The following TRPC4 variants were observed in gnomAD, a reference collection of about 807,000 sequenced individuals.
TRPC4 encodes the protein short transient receptor potential channel 4.
Under a neutral mutation model 99.4 loss-of-function variants are expected in TRPC4, and 49 were observed. That is an observed-to-expected ratio of 0.49 (90% CI 0.39 to 0.63). The LOEUF is 0.63. Ranked by LOEUF, TRPC4 falls within the 20% of genes least tolerant of loss-of-function variation. The probability of loss-of-function intolerance (pLI) is 0.00; values close to 1 mark genes in which losing one functional copy is unlikely to be tolerated. For missense variants in TRPC4, 898 were observed against 1,152.9 expected (o/e 0.78, Z 3.20); for synonymous variants, 454 against 425.9 (o/e 1.07, Z -0.81).
rs984888475 is a variant in TRPC4, at chr13:37,634,262, C to T, written c.*2641G>A. 1.3e-5 allele frequency among the ~76,000 whole-genome samples: 2 copies of T among 152,014 alleles called. No homozygotes were observed. The highest frequency in any genetic ancestry group is 4.8e-5 in the African/African-American group (2 of 41,414). On this transcript the variant is annotated 3_prime_UTR_variant, in exon 11 of 11. Transcript: ENST00000379705. ...AAACAGTATTTCTTTGCTTGCTATC[C>T]TGCTGTTGTTTGACTTTTCTTATTT...
chr13:37,668,337 T>A lies in TRPC4; in HGVS notation c.1375-4608A>T, dbSNP rs185446008. Among the ~76,000 whole-genome samples, 66 of 152,322 alleles carry A rather than the reference T, an allele frequency of 4.3e-4. No individual in the cohort carries two copies. In the East Asian group the frequency reaches 0.012, roughly 28 times the overall value. ...AGGTACTTTTGGATTACTTGTCAGA[T>A]TCTTATGCAGGGAGCTTTGTCTAAG... On this transcript the variant is annotated intron_variant, in intron 5 of 10. Transcript: ENST00000379705.
Position 37,772,711 on chromosome 13 carries a change from A to G in TRPC4, c.378+10245T>C, listed in dbSNP as rs189056521. ...TATCACGTCATATTTTATAATTTAT[A>G]TCAAAAAAGGGTTCACGTTATCTGC... On this transcript the variant is annotated intron_variant, in intron 2 of 10. Transcript: ENST00000379705. 1.5e-3 allele frequency among the ~76,000 whole-genome samples: 232 copies of G among 151,850 alleles called. 4 individuals carry two copies. Among genetic ancestry groups the G allele is most frequent in the African/African-American group, 5.2e-3 (217 of 41,480 alleles).
chr13:37,695,265 T>C (rs115847084), intron 3 of TRPC4, among the ~76,000 whole-genome samples: 4,191 of 152,056 alleles, frequency 0.028, 183 homozygotes, highest in African/African-American at 0.096. Flanking sequence ...CACTGTTTAC[T>C]TAGATTACTT....
chr13:37,654,539 T>A lies in TRPC4; in HGVS notation c.1884+549A>T, dbSNP rs74590982. On this transcript the variant is annotated intron_variant, in intron 7 of 10. Coordinates refer to ENST00000379705, the MANE Select transcript of TRPC4 (RefSeq NM_016179.4). The stretch of plus-strand genomic sequence containing the variant: ...GAATAAATAAATAACTTGTGCTACG[T>A]TGTTTAGATTCCAGAGTTTCAAAAA... Among the ~76,000 whole-genome samples the A allele has an allele frequency of 8.6e-3, 1,315 of 152,280 alleles. 18 individuals are homozygous for A. Among genetic ancestry groups the A allele is most frequent in the African/African-American group, 0.03 (1,256 of 41,544 alleles).
At chr13:37,760,238 T>C (rs943154967) in intron 2 of TRPC4, among the ~76,000 whole-genome samples, 2 of 151,964 alleles carry the variant, frequency 1.3e-5, no homozygotes, top group Admixed American at 1.3e-4. Context: ...AAATCTACTG[T>C]GCACTACACT....
intron 8 of TRPC4, among the ~76,000 whole-genome samples, chr13:37,644,895 AAG>A (rs1244287648): frequency 1.6e-4 from 24 of 145,908 alleles, no homozygotes; most frequent in Admixed American, 2.8e-4. Flanking sequence ...AAAAAAAAGA[AAG>A]AAATTTCTGG....
intron 3 of TRPC4, among the ~76,000 whole-genome samples, chr13:37,714,887 T>C (rs1045311261): frequency 6.6e-6 from 1 of 152,218 alleles, no homozygotes; most frequent in Non-Finnish European, 1.5e-5. Context: ...TCTCTCCCAC[T>C]AGACTGCTAG....
intron 5 of TRPC4, among the ~76,000 whole-genome samples, chr13:37,670,557 C>T (rs1470569782): frequency 6.6e-6 from 1 of 152,158 alleles, no homozygotes; most frequent in Non-Finnish European, 1.5e-5. Context: ...TAATCTACCT[C>T]ATATTTCATA....
intron 3 of TRPC4, among the ~76,000 whole-genome samples, chr13:37,714,508 C>T (rs1305757171): frequency 2.0e-5 from 3 of 152,230 alleles, no homozygotes; most frequent in Non-Finnish European, 4.4e-5. Flanking sequence ...CAAAATCACA[C>T]ATTTAATCAT....
At chr13:37,843,775 C>T (rs1236826539) in intron 1 of TRPC4, among the ~76,000 whole-genome samples, 1 of 152,086 alleles carries the variant, frequency 6.6e-6, no homozygotes, top group Non-Finnish European at 1.5e-5. Context: ...TCTCCAGCTT[C>T]ACTCTCTCCT....
At chr13:37,837,067 T>C (rs966656188) in intron 1 of TRPC4, among the ~76,000 whole-genome samples, 1 of 152,202 alleles carries the variant, frequency 6.6e-6, no homozygotes, top group Non-Finnish European at 1.5e-5. Flanking sequence ...TCCCACATGG[T>C]GTTGAGCTTT....
intron 3 of TRPC4, among the ~76,000 whole-genome samples, chr13:37,738,001 C>A (rs1267301620): frequency 6.6e-6 from 1 of 152,136 alleles, no homozygotes. Context: ...GATCCCTTTC[C>A]TTCTATGTGC....
intron 3 of TRPC4, among the ~76,000 whole-genome samples, chr13:37,744,659 A>T (rs1237279969): frequency 6.6e-6 from 1 of 152,180 alleles, no homozygotes; most frequent in Non-Finnish European, 1.5e-5. Context: ...ATATGGGATC[A>T]TTAAGGCCAA....
At chr13:37,662,907 G>T (rs2957218) in intron 6 of TRPC4, among the ~76,000 whole-genome samples, 55,330 of 152,064 alleles carry the variant, frequency 0.36, 10,449 homozygotes, top group African/African-American at 0.41. Flanking sequence ...GTGCATGACA[G>T]TAATGGCTAG....
chr13:37,637,286 G>A lies in TRPC4; in HGVS notation c.2551C>T (p.Arg851Ter), dbSNP rs773103339. The change falls in exon 11 of 11, where the codon CGA (arginine) becomes TGA (stop). Residue 851 changes from arginine (R) to a stop codon, truncating the protein, a stop_gained. Coordinates refer to ENST00000379705, the MANE Select transcript of TRPC4 (RefSeq NM_016179.4). LOFTEE classifies it high-confidence loss of function. ...DIKNFGLFHR[R>*]SKQNAAEQNA... ...TGCTCAGCAGCATTTTGTTTTGATC[G>A]TCTATGAAATAACCCAAAGTTTTTG... is the stretch of plus-strand genomic sequence containing the variant. 6 of 1,613,680 alleles carry A rather than the reference G, an allele frequency of 3.7e-6. No homozygotes were observed. Among genetic ancestry groups the A allele is most frequent in the African/African-American group, 1.3e-5 (1 of 74,872 alleles).
intron 3 of TRPC4, among the ~76,000 whole-genome samples, chr13:37,711,976 T>C (rs1210255691): frequency 6.6e-6 from 1 of 152,078 alleles, no homozygotes; most frequent in Non-Finnish European, 1.5e-5. Flanking sequence ...CTTTCTTTTT[T>C]GTACCAAGCC....
At chr13:37,845,147 C>G (rs541728741) in intron 1 of TRPC4, among the ~76,000 whole-genome samples, 1 of 152,182 alleles carries the variant, frequency 6.6e-6, no homozygotes, top group South Asian at 2.1e-4. Flanking sequence ...TGTTTGGGGT[C>G]GCTACAAGCT....
At position 37,782,974 on chromosome 13, in the gene TRPC4, T is replaced by C; in HGVS notation, c.360A>G (p.Lys120=). 1 of 1,490,650 alleles carries C rather than the reference T, an allele frequency of 6.7e-7. No individual in the cohort carries two copies. The highest frequency in any genetic ancestry group is 9.0e-7 in the Non-Finnish European group (1 of 1,113,652). The allele number at this position is 1,490,650 out of a possible 1,614,324, so 92.3% of individuals were successfully genotyped here. A position where few individuals can be genotyped will look rare whatever the true frequency, so the allele number is the denominator to read the frequency against. The change falls in exon 2 of 11, where the codon AAA becomes AAG. Residue 120 remains lysine, a synonymous_variant. Coordinates refer to ENST00000379705, the MANE Select transcript of TRPC4 (RefSeq NM_016179.4). ...CAGGTACCTGTTTTTCTCCACTAGG[T>C]TTTTTGTGGTTCAATAACAGCTCAA... ...GAVELLLNHK[K]PSGEKQVPPI...
intron 1 of TRPC4, among the ~76,000 whole-genome samples, chr13:37,840,656 G>T (rs1400065228): frequency 6.6e-6 from 1 of 151,814 alleles, no homozygotes; most frequent in African/African-American, 2.4e-5. Context: ...TATTTAAAAA[G>T]ATTAATAAAT....
Sources: gnomAD v4.1 joint callset for allele counts (sites outside exome capture counted in the v4.1 genomes callset) on GRCh38, gnomAD v4.1.1 for gene constraint, MANE v1.5 for transcripts, NCBI Gene and HGNC (gene_info 2026-07-23, HGNC 2026-07-21) for gene names.